The following ITPR2 variants were observed in gnomAD, a reference collection of about 807,000 sequenced individuals.
ITPR2 encodes the protein inositol 1,4,5-trisphosphate receptor type 2, also known as inositol 1,4,5-trisphosphate-gated calcium channel ITPR2.
ITPR2 carries 207 observed loss-of-function variants against 317.1 expected under a neutral mutation model. The observed-to-expected ratio is 0.65, with a 90% CI of 0.58 to 0.73. ITPR2 has a LOEUF of 0.73. Ranked by LOEUF, ITPR2 falls within the 30% of genes least tolerant of loss-of-function variation. The probability of loss-of-function intolerance (pLI) is 0.00; values close to 1 mark genes in which losing one functional copy is unlikely to be tolerated. For synonymous variants in ITPR2, 1,156 were observed against 1,149.1 expected, an observed-to-expected ratio of 1.01 and a Z score of -0.12; for missense variants, 2,613 against 3,284.0, an observed-to-expected ratio of 0.80 and a Z score of 4.99.
intron 1 of ITPR2, chr12:26,800,999 G>A (rs959631962): frequency 5.2e-5 from 9 of 173,748 alleles, no homozygotes; most frequent in Admixed American, 5.1e-4. Context: ...CTGCCACACT[G>A]CCTGGGGGTG....
intron 26 of ITPR2, among the ~76,000 whole-genome samples, chr12:26,605,562 G>A (rs1213957622): frequency 6.6e-6 from 1 of 152,152 alleles, no homozygotes; most frequent in East Asian, 1.9e-4. Flanking sequence ...AAAGGCAGGT[G>A]AAGCTTTGGT....
chr12:26,804,237 A>C (rs1950605280), intron 1 of ITPR2, among the ~76,000 whole-genome samples: 1 of 152,188 alleles, frequency 6.6e-6, no homozygotes. Flanking sequence ...TTAGAAAAAA[A>C]ATACAGTTGT....
intron 37 of ITPR2, among the ~76,000 whole-genome samples, chr12:26,500,957 A>T (rs976684696): frequency 3.3e-5 from 5 of 152,206 alleles, no homozygotes; most frequent in Non-Finnish European, 5.9e-5. Context: ...TTAGAAAAAC[A>T]ATTTACTAAA....
At chr12:26,450,926 A>G (rs1269860649) in intron 45 of ITPR2, among the ~76,000 whole-genome samples, 1 of 152,092 alleles carries the variant, frequency 6.6e-6, no homozygotes, top group Non-Finnish European at 1.5e-5. Context: ...TACCCCACCA[A>G]ATAGTACAGT....
chr12:26,454,019 AATGG>A (rs941186026), intron 45 of ITPR2, among the ~76,000 whole-genome samples: 36 of 151,822 alleles, frequency 2.4e-4, no homozygotes, highest in African/African-American at 6.8e-4. Flanking sequence ...TGGATGGGTG[AATGG>A]ATGGATGGAT....
chr12:26,619,886 G>T (rs3782298), intron 26 of ITPR2, among the ~76,000 whole-genome samples: 111,130 of 152,056 alleles, frequency 0.73, 40,890 homozygotes, highest in East Asian at 0.95. Context: ...CTAAGTACCA[G>T]GATGATGTCC....
rs762658762 is a variant in ITPR2 at position 26,597,121 on chromosome 12, C to T, written c.4016G>A (p.Gly1339Asp). ...ATTGTAAAATATCAGCACGTCTTCA[C>T]CCCCATTTATCAACTGAAATGATAA... Reference protein sequence around the residue: ...DMVMTELINGGEDVLIFYNDR... With the variant: ...DMVMTELINGDEDVLIFYNDR... Residue 1339 changes from glycine (G) to aspartate (D), a missense_variant, in exon 31 of 57, where the codon GGT becomes GAT. By Grantham distance (94) the Gly-to-Asp change is moderately conservative. Coordinates refer to ENST00000381340, the MANE Select transcript of ITPR2 (RefSeq NM_002223.4). 1.3e-5 allele frequency: 21 copies of T among 1,613,480 alleles called. No homozygotes were observed. Among genetic ancestry groups the T allele is most frequent in the Non-Finnish European group, 1.7e-5 (20 of 1,179,844 alleles).
intron 51 of ITPR2, among the ~76,000 whole-genome samples, chr12:26,414,050 T>TATATATAC (rs1555121665): frequency 3.6e-5 from 5 of 138,114 alleles, no homozygotes; most frequent in South Asian, 2.3e-4. Flanking sequence ...TGTATATATG[T>TATATATAC]ACACACACAC....
Position 26,426,623 on chromosome 12 carries a change from A to C in ITPR2, c.6945+1290T>G, listed in dbSNP as rs138635762. On this transcript the variant is annotated intron_variant, in intron 49 of 56. Transcript: ENST00000381340. ...AGGTATAGTACACTTCCCTTTATTG[A>C]CAATGATTGAGGATAATTGGTAATT... Among the ~76,000 whole-genome samples, 42 of 152,250 alleles carry C rather than the reference A, an allele frequency of 2.8e-4. 1 individual carries two copies. The East Asian group carries it at 7.1e-3, about 26-fold the overall frequency.
chr12:26,540,051 G>C (rs1565590525), intron 37 of ITPR2, among the ~76,000 whole-genome samples: 1 of 152,160 alleles, frequency 6.6e-6, no homozygotes, highest in Non-Finnish European at 1.5e-5. Context: ...CTTTCAAATA[G>C]TATACCATTT....
chr12:26,492,898 T>C (rs1565558647), intron 39 of ITPR2, among the ~76,000 whole-genome samples: 1 of 61,982 alleles, frequency 1.6e-5, no homozygotes. Flanking sequence ...GCACGATATG[T>C]GTGTGTGTAT....
At chr12:26,620,197 G>A (rs982073068) in intron 26 of ITPR2, among the ~76,000 whole-genome samples, 1 of 152,236 alleles carries the variant, frequency 6.6e-6, no homozygotes, top group Non-Finnish European at 1.5e-5. Context: ...GGGAAATAAA[G>A]GGCATCTACT....
intron 39 of ITPR2, among the ~76,000 whole-genome samples, chr12:26,493,185 G>A (rs1001994894): frequency 1.6e-4 from 25 of 151,982 alleles, no homozygotes; most frequent in Admixed American, 3.9e-4. Context: ...TTGATTTAGC[G>A]TTGTTTTTGT....
At chr12:26,624,518 T>G (rs1331527918) in intron 23 of ITPR2, among the ~76,000 whole-genome samples, 162 bp from the exon 24 acceptor site, 1 of 152,194 alleles carries the variant, frequency 6.6e-6, no homozygotes, top group East Asian at 1.9e-4. Context: ...GGGCAAAAGA[T>G]CTGAATAGAC....
At chr12:26,455,201 C>T (rs538661700) in intron 45 of ITPR2, among the ~76,000 whole-genome samples, 2 of 151,840 alleles carry the variant, frequency 1.3e-5, no homozygotes, top group Admixed American at 6.6e-5. Context: ...AGAAGCACTA[C>T]GAGATAATTT....
At chr12:26,582,570 T>A (rs1945430002) in intron 32 of ITPR2, among the ~76,000 whole-genome samples, 2 of 152,310 alleles carry the variant, frequency 1.3e-5, no homozygotes, top group Non-Finnish European at 1.5e-5. Flanking sequence ...ATATTACAAA[T>A]CATTTTCTTA....
At chr12:26,681,837 T>C (rs1165193066) in intron 13 of ITPR2, 37 bp downstream of exon 13, 3 of 1,466,254 alleles carry the variant, frequency 2.0e-6, no homozygotes, top group Non-Finnish European at 2.8e-6. Context: ...AATTGACAAC[T>C]GACTCGTGAT....
intron 2 of ITPR2, among the ~76,000 whole-genome samples, chr12:26,764,109 A>C (rs1348060303): frequency 6.6e-6 from 1 of 152,152 alleles, no homozygotes; most frequent in African/African-American, 2.4e-5. Flanking sequence ...AAGTAAAGGT[A>C]GTCTTTGAAC....
chr12:26,743,734 A>C (rs1949273357), intron 2 of ITPR2, among the ~76,000 whole-genome samples: 1 of 152,170 alleles, frequency 6.6e-6, no homozygotes, highest in South Asian at 2.1e-4. Flanking sequence ...TCTACTAAAA[A>C]TACAAAATTA....
Sources: allele counts gnomAD v4.1 joint callset (sites outside exome capture counted in the v4.1 genomes callset), GRCh38; gene constraint gnomAD v4.1.1; transcripts MANE v1.5; gene names NCBI Gene and HGNC (gene_info 2026-07-23, HGNC 2026-07-21).